KLHL2: variants seen among roughly 807,000 people sequenced by gnomAD.
KLHL2 encodes the protein kelch like family member 2, also known as kelch-like protein 2.
Under a neutral mutation model 75.8 loss-of-function variants are expected in KLHL2, and 15 were observed. The observed-to-expected ratio is 0.20, with a 90% CI of 0.13 to 0.30. The LOEUF (loss-of-function observed/expected upper bound fraction) is 0.30. Ranked by LOEUF, KLHL2 falls within the 10% of genes least tolerant of loss-of-function variation. The probability of loss-of-function intolerance (pLI) is 1.00; values close to 1 mark genes in which losing one functional copy is unlikely to be tolerated. For synonymous variants in KLHL2, 214 were observed against 251.9 expected (o/e 0.85, Z 1.42); for missense variants, 381 against 741.0 (o/e 0.51, Z 5.64).
chr4:165,271,681 A>G (rs908377949), intron 5 of KLHL2, among the ~76,000 whole-genome samples: 1 of 152,130 alleles, frequency 6.6e-6, no homozygotes, highest in Admixed American at 6.5e-5. Flanking sequence ...GGACTTACGG[A>G]AGTTGCTAAT....
chr4:165,305,256 A>G (rs1338373611), intron 8 of KLHL2, among the ~76,000 whole-genome samples: 3 of 152,156 alleles, frequency 2.0e-5, no homozygotes, highest in Admixed American at 1.3e-4. Flanking sequence ...TGGTCATTGC[A>G]AAAACCAGGA....
chr4:165,269,910 G>A (rs1342776970), intron 5 of KLHL2, among the ~76,000 whole-genome samples: 1 of 152,144 alleles, frequency 6.6e-6, no homozygotes, highest in African/African-American at 2.4e-5. Flanking sequence ...ATCCTGAAGA[G>A]TGTTTTCTAA....
At chr4:165,209,131 G>C (rs1737036208) in intron 1 of KLHL2, among the ~76,000 whole-genome samples, 1 of 152,174 alleles carries the variant, frequency 6.6e-6, no homozygotes, top group Non-Finnish European at 1.5e-5. Context: ...GACAGAAGCA[G>C]GGGCTTAGTC....
intron 3 of KLHL2, among the ~76,000 whole-genome samples, chr4:165,233,182 G>A (rs1739052149): frequency 6.6e-6 from 1 of 152,162 alleles, no homozygotes; most frequent in East Asian, 1.9e-4. Flanking sequence ...GAGTAGAGAA[G>A]GGAAGTGAAA....
chr4:165,216,005 C>G (rs373671733), intron 1 of KLHL2, among the ~76,000 whole-genome samples: 4 of 152,206 alleles, frequency 2.6e-5, no homozygotes, highest in Admixed American at 6.5e-5. Context: ...CTTTCTCTTT[C>G]ACGCTGCTGA....
intron 4 of KLHL2, among the ~76,000 whole-genome samples, chr4:165,247,636 C>T (rs1467983851): frequency 2.0e-5 from 3 of 152,106 alleles, no homozygotes; most frequent in Non-Finnish European, 4.4e-5. Context: ...AGAGAGAAGG[C>T]AGACTGTGTT....
chr4:165,277,126 G>T (rs10013480), intron 5 of KLHL2, among the ~76,000 whole-genome samples: 35,249 of 151,978 alleles, frequency 0.23, 6,187 homozygotes, highest in African/African-American at 0.5. Flanking sequence ...CCAACATATT[G>T]ATATACATAG....
chr4:165,268,536 G>A (rs889029952), intron 5 of KLHL2, among the ~76,000 whole-genome samples: 2 of 152,178 alleles, frequency 1.3e-5, no homozygotes, highest in African/African-American at 2.4e-5. Context: ...TGACTTCAAA[G>A]AACATCTTTA....
At chr4:165,234,488 G>A (rs557735848) in intron 3 of KLHL2, among the ~76,000 whole-genome samples, 13 of 151,466 alleles carry the variant, frequency 8.6e-5, no homozygotes, top group South Asian at 6.2e-4. Context: ...GAATTTTAGC[G>A]TTTATCTTTT....
chr4:165,280,605 T>G (rs1312806506), intron 5 of KLHL2, among the ~76,000 whole-genome samples: 2 of 152,262 alleles, frequency 1.3e-5, no homozygotes, highest in Admixed American at 1.3e-4. Flanking sequence ...TACAGAAGAT[T>G]CTTCCTTTGG....
At chr4:165,308,235 A>G (rs1249350708) in intron 9 of KLHL2, among the ~76,000 whole-genome samples, 3 of 152,154 alleles carry the variant, frequency 2.0e-5, no homozygotes, top group Non-Finnish European at 4.4e-5. Flanking sequence ...TATCGTTACT[A>G]TCTGAAATGG....
At chr4:165,311,318 T>C (rs1445206761) in intron 10 of KLHL2, 146 bp from the exon 11 acceptor site, 2 of 554,320 alleles carry the variant, frequency 3.6e-6, no homozygotes, top group Non-Finnish European at 6.3e-6. Flanking sequence ...GCTGTACCTG[T>C]TTTTCATGTA....
At chr4:165,289,410 A>G (rs997153787) in intron 5 of KLHL2, among the ~76,000 whole-genome samples, 14 of 152,074 alleles carry the variant, frequency 9.2e-5, no homozygotes, top group Non-Finnish European at 2.9e-5. Flanking sequence ...AGTATTTGAG[A>G]ATTAGAATTA....
intron 1 of KLHL2, among the ~76,000 whole-genome samples, chr4:165,213,810 A>G (rs1460179329): frequency 6.6e-6 from 1 of 152,206 alleles, no homozygotes; most frequent in Non-Finnish European, 1.5e-5. Flanking sequence ...GAATGTTGCA[A>G]TTAAAAATGA....
chr4:165,293,037 G>A (rs890826072), intron 5 of KLHL2, among the ~76,000 whole-genome samples: 3 of 152,140 alleles, frequency 2.0e-5, no homozygotes, highest in Admixed American at 6.5e-5. Flanking sequence ...CCAAGGCTTA[G>A]GGAAATTACG....
rs1243015059 is a variant in KLHL2, at chr4:165,207,981, CTCT to C, written c.26+80_26+82del. 6.4e-6 allele frequency: 7 copies of C among 1,089,516 alleles called. No individual in the cohort carries two copies. Among genetic ancestry groups the C allele is most frequent in the Admixed American group, 4.5e-5 (1 of 22,058 alleles). 67.5% of individuals were successfully genotyped at this position (1,089,516 alleles called of 1,614,324 possible). A position where few individuals can be genotyped will look rare whatever the true frequency, so the allele number is the denominator to read the frequency against. ...CGCGTGTCGCCGGCCGCGGGCGCAGCTCTGGGGACAGCCGCCGGGGCCGGCGGG... is the reference window on the plus strand; with the variant it reads ...CGCGTGTCGCCGGCCGCGGGCGCAGCGGGGACAGCCGCCGGGGCCGGCGGG... On this transcript the variant is annotated intron_variant, in intron 1 of 14. Coordinates refer to ENST00000226725, the MANE Select transcript of KLHL2 (RefSeq NM_007246.4). The surrounding 1 kb of genome is among the most constrained non-coding windows in gnomAD (Gnocchi z 4.2).
chr4:165,214,285 A>G (rs1259982814), intron 1 of KLHL2, among the ~76,000 whole-genome samples: 1 of 152,224 alleles, frequency 6.6e-6, no homozygotes, highest in Non-Finnish European at 1.5e-5. Context: ...AATGTTTGAA[A>G]TGGATCATCA....
chr4:165,296,032 C>G (rs1220669422), intron 6 of KLHL2, among the ~76,000 whole-genome samples: 1 of 152,142 alleles, frequency 6.6e-6, no homozygotes, highest in Non-Finnish European at 1.5e-5. Flanking sequence ...TAAACAATAA[C>G]CATTTTATGC....
chr4:165,286,890 T>C (rs557255058), intron 5 of KLHL2, among the ~76,000 whole-genome samples: 4 of 152,334 alleles, frequency 2.6e-5, no homozygotes, highest in African/African-American at 9.6e-5. Flanking sequence ...CCTTTCTCAC[T>C]GGGGAAGGAA....
Sources: gnomAD v4.1 joint callset for allele counts (sites outside exome capture counted in the v4.1 genomes callset) on GRCh38, gnomAD v4.1.1 for gene constraint, Gnocchi (gnomAD v3.1) non-coding constraint, MANE v1.5 for transcripts, NCBI Gene and HGNC (gene_info 2026-07-23, HGNC 2026-07-21) for gene names.